IGF1R: variants seen among roughly 807,000 people sequenced by gnomAD.
IGF1R encodes the protein insulin-like growth factor 1 receptor.
A neutral mutation model predicts 144.6 loss-of-function variants in IGF1R; 44 were observed. The ratio of observed to expected loss-of-function variants is 0.30; its 90% confidence interval spans 0.24 to 0.39. The LOEUF (loss-of-function observed/expected upper bound fraction) is 0.39, where lower values mean the gene tolerates loss of function less well. Ranked by LOEUF, IGF1R falls within the 10% of genes least tolerant of loss-of-function variation. The pLI is 1.00. For synonymous variants in IGF1R, 795 were observed against 722.8 expected, an observed-to-expected ratio of 1.10 and a Z score of -1.60; for missense variants, 1,355 against 1,833.7, an observed-to-expected ratio of 0.74 and a Z score of 4.77.
At chr15:98,814,055 T>C (rs1041502162) in intron 2 of IGF1R, among the ~76,000 whole-genome samples, 6 of 152,196 alleles carry the variant, frequency 3.9e-5, no homozygotes, top group African/African-American at 1.2e-4. Flanking sequence ...CTCTTGAATG[T>C]TTTGTAAATT....
At chr15:98,924,727 C>G (rs2015638422) in intron 13 of IGF1R, 43 bp downstream of exon 13, 2 of 1,557,934 alleles carry the variant, frequency 1.3e-6, no homozygotes, top group African/African-American at 2.7e-5. Context: ...AAACTGAAAG[C>G]AGGGTGGTCC....
Position 98,649,532 on chromosome 15 carries a change from T to G in IGF1R, c.-50T>G, listed in dbSNP as rs746555923. ...CTTTTTTTCTTTTCTTTTCTTTTTT[T>G]TTTTTTTTTTTTTTTTTGAGAAAGG... On this transcript the variant is annotated 5_prime_UTR_variant, in exon 1 of 21. Coordinates refer to ENST00000650285, the MANE Select transcript of IGF1R (RefSeq NM_000875.5). 30 of 170,732 alleles carry G rather than the reference T, an allele frequency of 1.8e-4. No homozygotes were observed. The East Asian group carries it at 2.6e-3, about 15-fold the overall frequency. 10.6% of individuals were successfully genotyped at this position (170,732 alleles called of 1,614,324 possible).
chr15:98,684,491 C>T (rs768960537), intron 1 of IGF1R, among the ~76,000 whole-genome samples: 2 of 152,118 alleles, frequency 1.3e-5, no homozygotes, highest in African/African-American at 2.4e-5. Context: ...GTACTCTTTC[C>T]AGGTTATAGC....
chr15:98,735,072 A>T (rs2054580913), intron 2 of IGF1R, among the ~76,000 whole-genome samples: 3 of 152,148 alleles, frequency 2.0e-5, no homozygotes. Context: ...GCCAGGGTTC[A>T]CCCACAAGTT....
intron 1 of IGF1R, among the ~76,000 whole-genome samples, chr15:98,703,876 A>G (rs1345698490): frequency 3.3e-5 from 5 of 152,238 alleles, no homozygotes; most frequent in Non-Finnish European, 7.3e-5. Context: ...AAGTAAATAG[A>G]TGCCTAACGC....
chr15:98,684,187 C>T (rs2053262817), intron 1 of IGF1R, among the ~76,000 whole-genome samples: 1 of 152,194 alleles, frequency 6.6e-6, no homozygotes. Context: ...AAAATAAAAG[C>T]TTCTAAGACA....
intron 2 of IGF1R, among the ~76,000 whole-genome samples, chr15:98,773,187 T>C (rs1459675475): frequency 6.6e-6 from 1 of 152,182 alleles, no homozygotes; most frequent in Non-Finnish European, 1.5e-5. Flanking sequence ...GATGAGTAGC[T>C]GGTGGCTCAG....
In IGF1R at chr15:98,704,233, A is replaced by C. The variant is rs527563580; in HGVS notation, c.95-3329A>C. 6.6e-6 allele frequency among the ~76,000 whole-genome samples: 1 copy of C among 152,208 alleles called. No homozygotes were observed. The highest frequency in any genetic ancestry group is 1.9e-4 in the East Asian group (1 of 5,172). Reference sequence around the variant, plus strand: ...TAAAATGACTTTTTAGAGAAGCGAGAAGAGAAATGAGAGGTAGGGGAGGGA... The same window carrying C: ...TAAAATGACTTTTTAGAGAAGCGAGCAGAGAAATGAGAGGTAGGGGAGGGA... On this transcript the variant is annotated intron_variant, in intron 1 of 20. Transcript: ENST00000650285. The surrounding 1 kb of genome is among the most constrained non-coding windows in gnomAD (Gnocchi z 4.9).
intron 2 of IGF1R, among the ~76,000 whole-genome samples, chr15:98,750,853 C>A (rs1234906244): frequency 6.6e-6 from 1 of 152,148 alleles, no homozygotes; most frequent in Non-Finnish European, 1.5e-5. Flanking sequence ...ATGGCGTGAT[C>A]ACTACTCACT....
intron 1 of IGF1R, among the ~76,000 whole-genome samples, chr15:98,696,275 A>G (rs905722502): frequency 6.6e-6 from 1 of 152,112 alleles, no homozygotes; most frequent in Admixed American, 6.5e-5. Flanking sequence ...AATTAGATAA[A>G]CATTTTATCT....
At chr15:98,839,958 C>T (rs1451037082) in intron 2 of IGF1R, among the ~76,000 whole-genome samples, 2 of 152,202 alleles carry the variant, frequency 1.3e-5, no homozygotes, top group Non-Finnish European at 2.9e-5. Flanking sequence ...AACTTAATGG[C>T]ACAATCTAAG....
chr15:98,705,499 T>C (rs1400061437), intron 1 of IGF1R, among the ~76,000 whole-genome samples: 1 of 152,182 alleles, frequency 6.6e-6, no homozygotes, highest in Non-Finnish European at 1.5e-5. Flanking sequence ...AAATGGGTGT[T>C]TGCCAAGTGC....
intron 2 of IGF1R, among the ~76,000 whole-genome samples, chr15:98,865,781 G>C (rs1383547541): frequency 6.6e-6 from 1 of 152,258 alleles, no homozygotes; most frequent in Admixed American, 6.5e-5. Flanking sequence ...TCGCTGGGAA[G>C]TGGAGGGCTC....
At chr15:98,664,192 G>A (rs898779614) in intron 1 of IGF1R, among the ~76,000 whole-genome samples, 5 of 152,084 alleles carry the variant, frequency 3.3e-5, no homozygotes, top group African/African-American at 7.2e-5. Context: ...AGTTTCAGAC[G>A]GTCTCCGCTT....
intron 2 of IGF1R, among the ~76,000 whole-genome samples, chr15:98,773,839 G>A (rs2055649104): frequency 6.6e-6 from 1 of 152,152 alleles, no homozygotes; most frequent in African/African-American, 2.4e-5. Flanking sequence ...ACGACATCTT[G>A]TGATCCGGGG....
At chr15:98,761,583 T>C (rs1174398805) in intron 2 of IGF1R, among the ~76,000 whole-genome samples, 1 of 152,198 alleles carries the variant, frequency 6.6e-6, no homozygotes, top group Non-Finnish European at 1.5e-5. Context: ...CACTGTCACC[T>C]CCAGGCAGGA....
intron 2 of IGF1R, among the ~76,000 whole-genome samples, chr15:98,836,521 T>TAAA (rs36070885): frequency 1.5e-5 from 2 of 129,880 alleles, no homozygotes; most frequent in African/African-American, 5.5e-5. Flanking sequence ...CCTGTCTCTT[T>TAAA]AAAAAAAAAA....
intron 2 of IGF1R, among the ~76,000 whole-genome samples, chr15:98,786,163 A>C (rs1479027410): frequency 6.6e-6 from 1 of 152,178 alleles, no homozygotes; most frequent in Non-Finnish European, 1.5e-5. Context: ...ATGAGTATTC[A>C]GTTTCCCCAC....
intron 1 of IGF1R, among the ~76,000 whole-genome samples, chr15:98,669,767 A>G (rs2141193681): frequency 6.6e-6 from 1 of 152,242 alleles, no homozygotes; most frequent in East Asian, 1.9e-4. Context: ...CCCGTGTTCT[A>G]GCTTCCCGTG....
Sources: gnomAD v4.1 joint callset for allele counts (sites outside exome capture counted in the v4.1 genomes callset) on GRCh38, gnomAD v4.1.1 for gene constraint, Gnocchi (gnomAD v3.1) non-coding constraint, MANE v1.5 for transcripts, NCBI Gene and HGNC (gene_info 2026-07-23, HGNC 2026-07-21) for gene names.